Variants in BRINP2 observed in about 807,000 individuals in gnomAD.
The protein encoded by BRINP2 is BMP/retinoic acid inducible neural specific 2, also known as BMP/retinoic acid-inducible neural-specific protein 2.
BRINP2 carries 21 observed loss-of-function variants against 69.2 expected under a neutral mutation model. The observed-to-expected ratio is 0.30, with a 90% CI of 0.22 to 0.44. The LOEUF (loss-of-function observed/expected upper bound fraction) is 0.44. BRINP2 is among the 20% of genes least tolerant of loss of function. The pLI is 1.00. For missense variants in BRINP2, 877 were observed against 986.0 expected (o/e 0.89, Z 1.48); for synonymous variants, 380 against 394.1 (o/e 0.96, Z 0.42).
chr1:177,266,386 C>T (rs1023835674), intron 4 of BRINP2, among the ~76,000 whole-genome samples: 16 of 152,062 alleles, frequency 1.1e-4, no homozygotes, highest in African/African-American at 3.4e-4. Context: ...TCTCACTTTC[C>T]TGGCACTTGC....
chr1:177,233,564 A>G (rs767231424), intron 2 of BRINP2, among the ~76,000 whole-genome samples: 2 of 152,224 alleles, frequency 1.3e-5, no homozygotes, highest in Non-Finnish European at 2.9e-5. Flanking sequence ...CTAGCATTCG[A>G]CAGCCTATAT....
intron 1 of BRINP2, among the ~76,000 whole-genome samples, chr1:177,185,148 A>G (rs989237455): frequency 6.6e-6 from 1 of 152,194 alleles, no homozygotes; most frequent in Non-Finnish European, 1.5e-5. Context: ...GTTGGAAAAA[A>G]AAAAAGGTTC....
chr1:177,244,656 A>C (rs1321679699), intron 2 of BRINP2, among the ~76,000 whole-genome samples: 1 of 152,004 alleles, frequency 6.6e-6, no homozygotes, highest in Non-Finnish European at 1.5e-5. Flanking sequence ...ATAAAAACGA[A>C]ATTTATTCTT....
At chr1:177,229,450 C>T (rs1649795708) in intron 1 of BRINP2, among the ~76,000 whole-genome samples, 1 of 152,164 alleles carries the variant, frequency 6.6e-6, no homozygotes, top group Admixed American at 6.5e-5. Flanking sequence ...TCGAGTGGGT[C>T]AAGGTAGGAT....
At chr1:177,241,199 G>A (rs1021432412) in intron 2 of BRINP2, among the ~76,000 whole-genome samples, 9 of 152,032 alleles carry the variant, frequency 5.9e-5, no homozygotes, top group Non-Finnish European at 8.8e-5. Flanking sequence ...TCTCAATCTC[G>A]TGACCTCGTG....
intron 1 of BRINP2, among the ~76,000 whole-genome samples, chr1:177,184,571 C>T (rs1041081760): frequency 1.3e-5 from 2 of 152,024 alleles, no homozygotes; most frequent in Admixed American, 6.6e-5. Flanking sequence ...TACAATGATG[C>T]GAAGAGGCCA....
At chr1:177,203,966 C>A (rs913174932) in intron 1 of BRINP2, among the ~76,000 whole-genome samples, 1 of 152,158 alleles carries the variant, frequency 6.6e-6, no homozygotes, top group African/African-American at 2.4e-5. Context: ...GAATTGTGGG[C>A]TAAGAGATAA....
At chr1:177,270,549 G>A (rs80059885) in intron 4 of BRINP2, among the ~76,000 whole-genome samples, 4,896 of 151,510 alleles carry the variant, frequency 0.032, 271 homozygotes, top group African/African-American at 0.11. Flanking sequence ...GGAGGGAGAA[G>A]TGGGGGGAAA....
At position 177,273,504 on chromosome 1, in the gene BRINP2, C is replaced by T. The variant is rs1212448029; in HGVS notation, c.686C>T (p.Thr229Ile). The change falls in exon 5 of 8, where the codon ACC becomes ATC. Residue 229 changes from threonine (T) to isoleucine (I), a missense_variant. Coordinates refer to ENST00000361539, the MANE Select transcript of BRINP2 (RefSeq NM_021165.4). The stretch of plus-strand genomic sequence containing the variant: ...CTTCTCTAGGTCACCGAGACCAGGA[C>T]CGGTCCTCTGGGCTGCAGCAACTAT... ...TGAIKVTETR[T>I]GPLGCSNYDN... The T allele has an allele frequency of 6.2e-7, 1 of 1,611,264 alleles. No individual in the cohort carries two copies. Among genetic ancestry groups the T allele is most frequent in the East Asian group, 2.2e-5 (1 of 44,686 alleles).
chr1:177,221,973 G>A (rs1649546042), intron 1 of BRINP2, among the ~76,000 whole-genome samples: 1 of 152,216 alleles, frequency 6.6e-6, no homozygotes, highest in Admixed American at 6.5e-5. Context: ...GGGGAATCAA[G>A]TGACCACAGG....
intron 1 of BRINP2, among the ~76,000 whole-genome samples, chr1:177,211,147 T>C (rs1163628413): frequency 6.6e-6 from 1 of 152,090 alleles, no homozygotes; most frequent in Non-Finnish European, 1.5e-5. Context: ...GTATTCCTCA[T>C]GTGTTTCAAT....
chr1:177,267,410 T>C (rs955287988), intron 4 of BRINP2, among the ~76,000 whole-genome samples: 9 of 152,246 alleles, frequency 5.9e-5, no homozygotes, highest in African/African-American at 1.9e-4. Flanking sequence ...CCTCGATGAC[T>C]TCAACTTACA....
At chr1:177,276,130 G>A (rs773122264) in intron 5 of BRINP2, 68 bp from the exon 6 acceptor site, 7 of 1,434,626 alleles carry the variant, frequency 4.9e-6, no homozygotes, top group Non-Finnish European at 6.8e-6. Context: ...ATTCCTGCAG[G>A]CTTGGGCATG....
rs139482840 is a variant in BRINP2 at position 177,180,812 on chromosome 1, A to G, written c.-77+9080A>G. Among the ~76,000 whole-genome samples, 51 of 152,354 alleles carry G rather than the reference A, an allele frequency of 3.3e-4. 1 individual carries two copies. The East Asian group carries it at 8.3e-3, about 25-fold the overall frequency. ...AAAGCAAAACTTGTGATTCATTTAA[A>G]ATCACAGGTGATATATTAAAATTGA... On this transcript the variant is annotated intron_variant, in intron 1 of 7. Coordinates refer to ENST00000361539, the MANE Select transcript of BRINP2 (RefSeq NM_021165.4).
chr1:177,223,487 T>C (rs1031934548), intron 1 of BRINP2, among the ~76,000 whole-genome samples: 3 of 152,160 alleles, frequency 2.0e-5, no homozygotes, highest in Non-Finnish European at 4.4e-5. Flanking sequence ...TGCATAGACA[T>C]TACTTAATAA....
At chr1:177,226,104 G>T (rs904049399) in intron 1 of BRINP2, among the ~76,000 whole-genome samples, 5 of 152,182 alleles carry the variant, frequency 3.3e-5, no homozygotes, top group African/African-American at 1.2e-4. Flanking sequence ...CTCTCAAAGA[G>T]CACACAGGTT....
chr1:177,173,772 C>G (rs980268586), intron 1 of BRINP2, among the ~76,000 whole-genome samples: 2 of 152,166 alleles, frequency 1.3e-5, no homozygotes, highest in African/African-American at 4.8e-5. Context: ...TGGAGAGCAT[C>G]ACAGAAAAAT....
At chr1:177,260,685 AC>A (rs1269391619) in intron 4 of BRINP2, among the ~76,000 whole-genome samples, 2 of 152,242 alleles carry the variant, frequency 1.3e-5, no homozygotes, top group African/African-American at 4.8e-5. Flanking sequence ...AAAGATTCCA[AC>A]AACTGACTGA....
chr1:177,201,686 A>C (rs1415839275), intron 1 of BRINP2, among the ~76,000 whole-genome samples: 3 of 152,158 alleles, frequency 2.0e-5, no homozygotes, highest in Non-Finnish European at 4.4e-5. Context: ...ATCAAGACCC[A>C]CTGGGTATCA....
Sources: allele counts gnomAD v4.1 joint callset (sites outside exome capture counted in the v4.1 genomes callset), GRCh38; gene constraint gnomAD v4.1.1; transcripts MANE v1.5; gene names NCBI Gene and HGNC (gene_info 2026-07-23, HGNC 2026-07-21).